The following STPG2 variants were observed in gnomAD, a reference collection of about 807,000 sequenced individuals.
STPG2 encodes the protein sperm-tail PG-rich repeat-containing protein 2.
STPG2 carries 56 observed loss-of-function variants against 54.2 expected under a neutral mutation model. The observed-to-expected ratio is 1.03, with a 90% CI of 0.83 to 1.29. The LOEUF (loss-of-function observed/expected upper bound fraction) is 1.29, where lower values mean the gene tolerates loss of function less well. Among genes scored for constraint, STPG2 ranks in the 50% most tolerant of loss-of-function variants. The pLI is 0.00. For synonymous variants in STPG2, 200 were observed against 181.8 expected, an observed-to-expected ratio of 1.10 and a Z score of -0.81; for missense variants, 596 against 544.9, an observed-to-expected ratio of 1.09 and a Z score of -0.93.
intron 1 of STPG2, among the ~76,000 whole-genome samples, chr4:98,140,530 C>T (rs768917875): frequency 6.6e-6 from 1 of 152,042 alleles, no homozygotes; most frequent in Non-Finnish European, 1.5e-5. Flanking sequence ...AGGAACTAAT[C>T]AAACAGGCAC....
intron 5 of STPG2, among the ~76,000 whole-genome samples, chr4:97,989,770 C>T (rs1162786041): frequency 6.6e-6 from 1 of 152,200 alleles, no homozygotes; most frequent in Non-Finnish European, 1.5e-5. Context: ...CCCCAACAGT[C>T]AATCTGATAA....
chr4:98,032,078 T>C (rs1276079994), intron 5 of STPG2, among the ~76,000 whole-genome samples: 1 of 152,174 alleles, frequency 6.6e-6, no homozygotes, highest in African/African-American at 2.4e-5. Flanking sequence ...GATGTTAGCA[T>C]GGATGTGGTG....
chr4:97,910,271 G>A (rs1012267961), intron 8 of STPG2, among the ~76,000 whole-genome samples: 1 of 152,204 alleles, frequency 6.6e-6, no homozygotes, highest in African/African-American at 2.4e-5. Context: ...GCAAAAGGCA[G>A]CACCTTGCCT....
intron 8 of STPG2, among the ~76,000 whole-genome samples, chr4:97,943,184 G>A (rs569486036): frequency 6.6e-6 from 1 of 152,018 alleles, no homozygotes; most frequent in South Asian, 2.1e-4. Flanking sequence ...TATTTATGAG[G>A]TCTCCACCCT....
intron 4 of STPG2, among the ~76,000 whole-genome samples, chr4:97,466,442 G>C (rs1451438406): frequency 6.6e-6 from 1 of 151,946 alleles, no homozygotes; most frequent in Non-Finnish European, 1.5e-5. Context: ...TTTGTGAATG[G>C]GGCTAGGTGC....
At chr4:97,706,067 G>T (rs13103134) in intron 10 of STPG2, among the ~76,000 whole-genome samples, 1 of 151,956 alleles carries the variant, frequency 6.6e-6, no homozygotes, top group African/African-American at 2.4e-5. Flanking sequence ...ATTTTCTCTT[G>T]ATCCAATGAA....
chr4:97,574,807 G>C (rs1732684237), intron 10 of STPG2, among the ~76,000 whole-genome samples: 1 of 151,830 alleles, frequency 6.6e-6, no homozygotes, highest in African/African-American at 2.4e-5. Context: ...GCCATATTTT[G>C]GGATAGTGTT....
At chr4:98,063,902 G>A (rs1426283677) in intron 5 of STPG2, among the ~76,000 whole-genome samples, 1 of 151,842 alleles carries the variant, frequency 6.6e-6, no homozygotes, top group East Asian at 1.9e-4. Flanking sequence ...TTAATTAGCT[G>A]GGTGTGGTGG....
At chr4:97,723,703 A>G (rs1390941493) in intron 9 of STPG2, among the ~76,000 whole-genome samples, 1 of 152,162 alleles carries the variant, frequency 6.6e-6, no homozygotes, top group East Asian at 1.9e-4. Flanking sequence ...ATTGACTCAC[A>G]TTTCCATGTG....
intron 10 of STPG2, among the ~76,000 whole-genome samples, chr4:97,566,381 G>T (rs1277799419): frequency 1.3e-5 from 2 of 152,138 alleles, no homozygotes; most frequent in Admixed American, 1.3e-4. Flanking sequence ...CTGTCCCCTT[G>T]CGCTTCCCGA....
rs1021328994 is a variant in STPG2 at position 97,458,656 on chromosome 4, A to C, written c.462+254043T>G. Among the ~76,000 whole-genome samples the C allele has an allele frequency of 3.3e-5, 5 of 152,196 alleles. No individual in the cohort carries two copies. In the South Asian group the frequency reaches 6.2e-4, roughly 19 times the overall value. ...AGTGATTAATGCCTTTTCAAAGCAC[A>C]ATGGAAATGTTTAAAAAAATCATTA... is the stretch of plus-strand genomic sequence containing the variant. On this transcript the variant is annotated intron_variant, in intron 4 of 4. Transcript: ENST00000522676.
rs557946624 is a variant in STPG2 at position 97,562,196 on chromosome 4, T to G, written c.1321-3079A>C. On this transcript the variant is annotated intron_variant, in intron 10 of 10. Transcript: ENST00000295268. ...GGATTCCTAGGTATTTTATTCTCTT[T>G]GAAGCAATTGTGAATGGGAGTTCAC... is the stretch of plus-strand genomic sequence containing the variant. 5.3e-5 allele frequency among the ~76,000 whole-genome samples: 8 copies of G among 152,318 alleles called. No individual in the cohort carries two copies. In the South Asian group the frequency reaches 8.3e-4, roughly 16 times the overall value.
intron 8 of STPG2, among the ~76,000 whole-genome samples, chr4:97,935,412 T>C (rs1226869565): frequency 3.9e-5 from 6 of 152,132 alleles, no homozygotes; most frequent in Non-Finnish European, 5.9e-5. Flanking sequence ...TTATTTCTTG[T>C]CTTCTGCTAG....
intron 8 of STPG2, among the ~76,000 whole-genome samples, chr4:97,895,628 A>G (rs1432739674): frequency 6.6e-6 from 1 of 151,814 alleles, no homozygotes; most frequent in East Asian, 1.9e-4. Flanking sequence ...ACATGCTGGC[A>G]TAAGAATTCT....
chr4:98,091,501 C>T (rs1377112068), intron 5 of STPG2, among the ~76,000 whole-genome samples: 1 of 152,050 alleles, frequency 6.6e-6, no homozygotes, highest in Non-Finnish European at 1.5e-5. Flanking sequence ...AGAATCCTTT[C>T]TTGATTTCTA....
At chr4:97,896,670 A>C (rs1043085490) in intron 8 of STPG2, among the ~76,000 whole-genome samples, 1 of 151,834 alleles carries the variant, frequency 6.6e-6, no homozygotes, top group Non-Finnish European at 1.5e-5. Flanking sequence ...ATTATGGGAC[A>C]TCTTTATGAA....
At chr4:97,494,773 C>A (rs1423430718) in intron 4 of STPG2, among the ~76,000 whole-genome samples, 1 of 151,256 alleles carries the variant, frequency 6.6e-6, no homozygotes, top group Non-Finnish European at 1.5e-5. Flanking sequence ...CAGGAAGCAA[C>A]CAGTGGTCAA....
chr4:98,058,860 C>A (rs1234300094), intron 5 of STPG2, among the ~76,000 whole-genome samples: 3 of 151,422 alleles, frequency 2.0e-5, no homozygotes, highest in Admixed American at 6.6e-5. Context: ...AAAATCATAC[C>A]AATAGCACTA....
chr4:98,141,487 T>C (rs530510922), intron 1 of STPG2, among the ~76,000 whole-genome samples: 12 of 152,234 alleles, frequency 7.9e-5, no homozygotes, highest in South Asian at 2.1e-4. Flanking sequence ...TATCTTAACC[T>C]GAACATTTCT....
Sources: allele counts gnomAD v4.1 joint callset (sites outside exome capture counted in the v4.1 genomes callset), GRCh38; gene constraint gnomAD v4.1.1; transcripts MANE v1.5; gene names NCBI Gene and HGNC (gene_info 2026-07-23, HGNC 2026-07-21).